Variants in RASGRF2 observed in about 807,000 individuals in gnomAD.
The protein encoded by RASGRF2 is ras-specific guanine nucleotide-releasing factor 2.
Under a neutral mutation model 151.0 loss-of-function variants are expected in RASGRF2, and 76 were observed. That is an observed-to-expected ratio of 0.50 (90% confidence interval 0.42 to 0.61). RASGRF2 has a LOEUF of 0.61. Ranked by LOEUF, RASGRF2 falls within the 20% of genes least tolerant of loss-of-function variation. The pLI is 0.00. For synonymous variants in RASGRF2, 504 were observed against 566.5 expected (o/e 0.89, Z 1.57); for missense variants, 1,148 against 1,564.6 (o/e 0.73, Z 4.49).
intron 1 of RASGRF2, among the ~76,000 whole-genome samples, chr5:81,030,821 G>A (rs1237018395): frequency 1.3e-5 from 2 of 152,170 alleles, no homozygotes; most frequent in East Asian, 3.9e-4. Flanking sequence ...AAATGTAAAT[G>A]GGCTAAATGC....
chr5:81,138,188 A>G (rs1045896313), intron 17 of RASGRF2, among the ~76,000 whole-genome samples: 1 of 152,106 alleles, frequency 6.6e-6, no homozygotes, highest in African/African-American at 2.4e-5. Flanking sequence ...GGAGTCTTCT[A>G]TATCTTCCAA....
At chr5:81,181,079 CATAT>C (rs1754906672) in intron 18 of RASGRF2, among the ~76,000 whole-genome samples, 1 of 152,144 alleles carries the variant, frequency 6.6e-6, no homozygotes, top group African/African-American at 2.4e-5. Flanking sequence ...ACATGTGCAG[CATAT>C]ATTAAAAGAA....
chr5:81,180,651 G>A (rs1323038730), intron 18 of RASGRF2, among the ~76,000 whole-genome samples: 1 of 151,926 alleles, frequency 6.6e-6, no homozygotes, highest in African/African-American at 2.4e-5. Context: ...TGCTTGAGAG[G>A]CTGCCAACTG....
In RASGRF2 at chr5:81,217,447, C is replaced by T. The variant is rs1290681073; in HGVS notation, c.3526C>T (p.Leu1176Phe). 8.7e-6 allele frequency: 14 copies of T among 1,612,532 alleles called. No individual in the cohort carries two copies. The highest frequency in any genetic ancestry group is 1.3e-5 in the African/African-American group (1 of 74,718). ...EGTPNFTEEG[L>F]VNFSKMRMIS... ...AACACCAAACTTTACTGAGGAAGGC[C>T]TTGTCAATTTCTCCAAAATGAGAAT... The change falls in exon 25 of 27, where the codon CTT becomes TTT. Residue 1176 changes from leucine (L) to phenylalanine (F), a missense_variant. Physicochemically the swap from Leu to Phe is conservative, Grantham distance 22 (BLOSUM62 0). Coordinates refer to ENST00000265080, the MANE Select transcript of RASGRF2 (RefSeq NM_006909.3).
chr5:81,164,961 C>T (rs971574219), intron 17 of RASGRF2, among the ~76,000 whole-genome samples: 4 of 152,178 alleles, frequency 2.6e-5, no homozygotes, highest in Admixed American at 2.0e-4. Context: ...TCCACTAAAA[C>T]GATAGAAATC....
chr5:81,042,253 A>G (rs948495121), intron 1 of RASGRF2, among the ~76,000 whole-genome samples: 3 of 152,194 alleles, frequency 2.0e-5, no homozygotes, highest in African/African-American at 4.8e-5. Flanking sequence ...AATCCTGATC[A>G]CATCTTGACC....
chr5:81,144,633 G>A (rs1475068274), intron 17 of RASGRF2, among the ~76,000 whole-genome samples: 1 of 152,134 alleles, frequency 6.6e-6, no homozygotes, highest in African/African-American at 2.4e-5. Flanking sequence ...AAATTGAGTG[G>A]TTGCACTTAT....
rs1360114785 is a variant in RASGRF2, at chr5:80,969,152, T to TTGGAGTCTCGCTCTGTCACCCAGGC, written c.288+8133_288+8157dup. On this transcript the variant is annotated intron_variant, in intron 1 of 26. Transcript: ENST00000265080. Reference sequence around the variant, plus strand: ...TTTTTTTTTTTTTTTTTTTTTTAAGTTGGAGTCTCGCTCTGTCACCCAGGC... The same window carrying TTGGAGTCTCGCTCTGTCACCCAGGC: ...TTTTTTTTTTTTTTTTTTTTTTAAGTTGGAGTCTCGCTCTGTCACCCAGGCTGGAGTCTCGCTCTGTCACCCAGGC... 2.3e-4 allele frequency among the ~76,000 whole-genome samples: 27 copies of TTGGAGTCTCGCTCTGTCACCCAGGC among 119,574 alleles called. No homozygotes were observed. In the East Asian group the frequency reaches 6.1e-3, roughly 27 times the overall value. The allele number at this position is 119,574 out of a possible 152,430, so 78.4% of individuals were successfully genotyped here. A position where few individuals can be genotyped will look rare whatever the true frequency, so the allele number is the denominator to read the frequency against.
chr5:81,012,170 G>A (rs1195233189), intron 1 of RASGRF2, among the ~76,000 whole-genome samples: 1 of 152,156 alleles, frequency 6.6e-6, no homozygotes, highest in Non-Finnish European at 1.5e-5. Context: ...CTAGTTATGA[G>A]CATTTTACCC....
In RASGRF2 at chr5:81,042,915, G is replaced by A. The variant is rs145671512; in HGVS notation, c.327G>A (p.Lys109=). 166 of 1,613,008 alleles carry A rather than the reference G, an allele frequency of 1.0e-4. No homozygotes were observed. The African/African-American group carries it at 1.9e-3, about 19-fold the overall frequency. The change falls in exon 2 of 27, where the codon AAG becomes AAA. Residue 109 remains lysine, a synonymous_variant. Transcript: ENST00000265080. The part of the protein sequence containing the change: ...FTVLFGHEGQ[K]PLELRCEEEQ... ...TTCTTTTTGGCCATGAAGGTCAGAA[G>A]CCACTGGAGCTGCGCTGTGAGGAGG...
In RASGRF2 at chr5:81,082,832, C is replaced by T. The variant is rs1752124490; in HGVS notation, c.1161+2043C>T. On this transcript the variant is annotated intron_variant, in intron 7 of 26. Coordinates refer to ENST00000265080, the MANE Select transcript of RASGRF2 (RefSeq NM_006909.3). ...CTCAAAGAGTTGAGCCAGAATTGTC[C>T]AACTGCAAGAAATGAGCAAACTGAA... 3.3e-5 allele frequency among the ~76,000 whole-genome samples: 5 copies of T among 152,212 alleles called. No individual in the cohort carries two copies. In the South Asian group the frequency reaches 1.0e-3, roughly 32 times the overall value.
chr5:81,164,942 C>A (rs1012594697), intron 17 of RASGRF2, among the ~76,000 whole-genome samples: 1 of 152,134 alleles, frequency 6.6e-6, no homozygotes, highest in Admixed American at 6.6e-5. Context: ...GAGCATTGAG[C>A]GGCCATTTTC....
chr5:81,087,075 C>A, intron 9 of RASGRF2, 122 bp downstream of exon 9: 2 of 890,146 alleles, frequency 2.2e-6, no homozygotes, highest in Non-Finnish European at 1.8e-6. Flanking sequence ...GACCCCCCCA[C>A]GGCCTTCGCC....
chr5:80,963,526 A>G (rs1747629377), intron 1 of RASGRF2, among the ~76,000 whole-genome samples: 1 of 152,216 alleles, frequency 6.6e-6, no homozygotes, highest in Admixed American at 6.5e-5. Context: ...TTACCTTTCA[A>G]TAATGGCATC....
intron 17 of RASGRF2, among the ~76,000 whole-genome samples, chr5:81,148,827 TAATAAAATAA>T (rs752330889): frequency 3.4e-5 from 5 of 149,156 alleles, no homozygotes; most frequent in Non-Finnish European, 6.0e-5. Flanking sequence ...AGTATAATAA[TAATAAAATAA>T]AATAAAATAA....
chr5:81,000,309 T>C, intron 1 of RASGRF2, among the ~76,000 whole-genome samples: 1 of 152,232 alleles, frequency 6.6e-6, no homozygotes, highest in East Asian at 1.9e-4. Flanking sequence ...TGGTGCGATC[T>C]TGGCTCACTT....
In RASGRF2 at chr5:81,206,912, C is replaced by T. The variant is rs1755520465; in HGVS notation, c.2967+7C>T. On this transcript the variant is annotated splice_region_variant and intron_variant, in intron 20 of 26. Transcript: ENST00000265080. Reference sequence around the variant, plus strand: ...AGAGGATATAATTCAAATGGTAAGTCTGACCACATTTTTATCTAGCACAAC... The same window carrying T: ...AGAGGATATAATTCAAATGGTAAGTTTGACCACATTTTTATCTAGCACAAC... 1 of 1,596,232 alleles carries T rather than the reference C, an allele frequency of 6.3e-7. No homozygotes were observed. Among genetic ancestry groups the T allele is most frequent in the South Asian group, 1.1e-5 (1 of 90,654 alleles).
chr5:81,088,993 C>T (rs947487449), intron 9 of RASGRF2, among the ~76,000 whole-genome samples: 2 of 152,004 alleles, frequency 1.3e-5, no homozygotes, highest in African/African-American at 2.4e-5. Flanking sequence ...TAATGATTTG[C>T]CTTTTAGCAG....
intron 26 of RASGRF2, among the ~76,000 whole-genome samples, chr5:81,222,505 C>T (rs1755876891): frequency 6.6e-6 from 1 of 152,184 alleles, no homozygotes; most frequent in Non-Finnish European, 1.5e-5. Context: ...CTAACTTTCC[C>T]AATCCCCACT....
Sources: allele counts gnomAD v4.1 joint callset (sites outside exome capture counted in the v4.1 genomes callset), GRCh38; gene constraint gnomAD v4.1.1; transcripts MANE v1.5; gene names NCBI Gene and HGNC (gene_info 2026-07-23, HGNC 2026-07-21).